The following WDR86 variants were observed in gnomAD, a reference collection of about 807,000 sequenced individuals.
WDR86 encodes WD repeat domain 86.
A neutral mutation model predicts 36.5 loss-of-function variants in WDR86; 30 were observed. The ratio of observed to expected loss-of-function variants is 0.82; its 90% CI spans 0.61 to 1.11. The LOEUF is 1.11. WDR86 is among the 50% of genes most tolerant of loss of function. The pLI, the probability that WDR86 is intolerant of heterozygous loss-of-function variation, is 0.00. For synonymous variants in WDR86, 255 were observed against 252.9 expected, an observed-to-expected ratio of 1.01 and a Z score of -0.08; for missense variants, 545 against 561.2, an observed-to-expected ratio of 0.97 and a Z score of 0.29.
At chr7:151,383,095 C>G (rs1267774652) in intron 4 of WDR86, among the ~76,000 whole-genome samples, 1 of 150,924 alleles carries the variant, frequency 6.6e-6, no homozygotes, top group Non-Finnish European at 1.5e-5. Context: ...AAACGATCCT[C>G]CCGCTTCAGC....
At chr7:151,379,498 G>A (rs536064539), downstream of WDR86, among the ~76,000 whole-genome samples, 9 of 152,126 alleles carry the variant, frequency 5.9e-5, no homozygotes, top group Non-Finnish European at 8.8e-5. Context: ...ATAGCAAGGC[G>A]ACAGTGGTGT....
chr7:151,391,826 G>A (rs1249508894), intron 3 of WDR86, among the ~76,000 whole-genome samples: 1 of 150,648 alleles, frequency 6.6e-6, no homozygotes, highest in African/African-American at 2.4e-5. Context: ...AAGTACAGGG[G>A]TGCGCCTCCT....
chr7:151,381,576 G>A lies in WDR86; in HGVS notation c.*6C>T, dbSNP rs779694832. The A allele has an allele frequency of 8.0e-6, 11 of 1,370,480 alleles. No homozygotes were observed. The South Asian group carries it at 1.2e-4, about 15-fold the overall frequency. 84.9% of individuals were successfully genotyped at this position (1,370,480 alleles called of 1,614,324 possible). ...CTGGGCTGGCGTCTGCAGGGGCCCC[G>A]CGGGATCAGGCCGGCTGCAGGGGCG... On this transcript the variant is annotated 3_prime_UTR_variant, in exon 6 of 6. Coordinates refer to ENST00000334493, the MANE Select transcript of WDR86 (RefSeq NM_198285.3). The surrounding 1 kb of genome is among the most constrained non-coding windows in gnomAD (Gnocchi z 4.8).
At chr7:151,382,386 A>G (rs1282033632) in intron 4 of WDR86, among the ~76,000 whole-genome samples, 1 of 152,040 alleles carries the variant, frequency 6.6e-6, no homozygotes, top group Non-Finnish European at 1.5e-5. Context: ...CACTCAAATC[A>G]AAGCCCAGCC....
chr7:151,389,448 C>T (rs1209237008), intron 3 of WDR86, among the ~76,000 whole-genome samples: 1 of 152,236 alleles, frequency 6.6e-6, no homozygotes, highest in East Asian at 1.9e-4. Context: ...CCGGGCGGCT[C>T]ACTCAGGGTC....
At chr7:151,387,066 G>A (rs1434300282) in intron 3 of WDR86, among the ~76,000 whole-genome samples, 1 of 152,216 alleles carries the variant, frequency 6.6e-6, no homozygotes, top group African/African-American at 2.4e-5. Context: ...CCAACACATG[G>A]TCAGCTCCAG....
exon 2 of WDR86, chr7:151,376,068 G>A (rs1394331100): frequency 1.4e-6 from 1 of 702,544 alleles, no homozygotes; most frequent in Non-Finnish European, 2.6e-6. Context: ...CCAGGCTCCA[G>A]GTGTAACCTG....
chr7:151,387,701 G>C (rs1273390007), intron 3 of WDR86, among the ~76,000 whole-genome samples: 2 of 152,146 alleles, frequency 1.3e-5, no homozygotes, highest in African/African-American at 4.8e-5. Flanking sequence ...GCAGGGGTGG[G>C]AGAAGGCTGC....
chr7:151,379,151 C>T (rs975826148), downstream of WDR86, among the ~76,000 whole-genome samples: 9 of 152,144 alleles, frequency 5.9e-5, no homozygotes, highest in African/African-American at 2.2e-4. Flanking sequence ...GTATTTGGGG[C>T]AGGACAGTCT....
intron 4 of WDR86, among the ~76,000 whole-genome samples, chr7:151,383,355 T>C (rs1798744780): frequency 1.3e-5 from 2 of 151,916 alleles, no homozygotes; most frequent in East Asian, 1.9e-4. Context: ...ACACCTGTAG[T>C]CCCAGTTACT....
chr7:151,374,303 C>T, downstream of WDR86: 5 of 1,529,508 alleles, frequency 3.3e-6, no homozygotes, highest in Non-Finnish European at 4.4e-6. Context: ...GCCCAGAGCT[C>T]CCTCCATGGC....
chr7:151,384,613 C>A (rs1317541241), intron 4 of WDR86, among the ~76,000 whole-genome samples: 1 of 152,174 alleles, frequency 6.6e-6, no homozygotes, highest in African/African-American at 2.4e-5. Flanking sequence ...GTGGAGCCAC[C>A]CATTCCAGCC....
intron 1 of WDR86, 75 bp from the exon 2 acceptor site, chr7:151,400,316 T>A: frequency 7.0e-7 from 1 of 1,428,064 alleles, no homozygotes; most frequent in Non-Finnish European, 9.3e-7. Flanking sequence ...GAACAATGTT[T>A]GAAAAGGGAA....
In WDR86 at chr7:151,409,457, C is replaced by T; in HGVS notation, c.133G>A (p.Ala45Thr). ...AGGAGCGCGCAGCACTGGCCGTCCG[C>T]GGTGCTCCAGAGCCGGGCCGTGCCG... is the stretch of plus-strand genomic sequence containing the variant. Reference protein sequence around the residue: ...EDGTARLWSTADGQCCALLQG... With the variant: ...EDGTARLWSTTDGQCCALLQG... The change falls in exon 1 of 6, where the codon GCG (alanine) becomes ACG (threonine). Residue 45 changes from alanine to threonine, a missense_variant. Coordinates refer to ENST00000334493, the MANE Select transcript of WDR86 (RefSeq NM_198285.3). This position sits in a 1 kb window ranked among gnomAD's most constrained non-coding sequence, Gnocchi z 5.2. The T allele has an allele frequency of 6.5e-7, 1 of 1,542,720 alleles. No individual in the cohort carries two copies.
chr7:151,376,484 T>C (rs736470), downstream of WDR86: 3,911 of 758,590 alleles, frequency 5.2e-3, 135 homozygotes, highest in African/African-American at 0.062. Context: ...TACGCTCACA[T>C]TGCACAGAAG....
Position 151,381,149 on chromosome 7 carries a change from A to G in WDR86, c.*433T>C. The G allele has an allele frequency of 1.6e-6, 2 of 1,241,500 alleles. No homozygotes were observed. Among genetic ancestry groups the G allele is most frequent in the Non-Finnish European group, 2.0e-6 (2 of 994,596 alleles). 76.9% of individuals were successfully genotyped at this position (1,241,500 alleles called of 1,614,324 possible). ...TTTTAACGTTCAGGCTGTATATTTC[A>G]GTTCCCCCCAAGGCCCTCGAGACGG... On this transcript the variant is annotated 3_prime_UTR_variant, in exon 6 of 6. Coordinates refer to ENST00000334493, the MANE Select transcript of WDR86 (RefSeq NM_198285.3). This position sits in a 1 kb window ranked among gnomAD's most constrained non-coding sequence, Gnocchi z 4.8.
intron 3 of WDR86, among the ~76,000 whole-genome samples, chr7:151,395,042 C>T (rs2150805677): frequency 1.3e-5 from 2 of 152,342 alleles, no homozygotes; most frequent in Admixed American, 1.3e-4. Flanking sequence ...GGCTGGGTGG[C>T]TTGTCCAGGG....
intron 1 of WDR86, among the ~76,000 whole-genome samples, chr7:151,400,709 CT>C (rs1175337347): frequency 6.6e-6 from 1 of 152,184 alleles, no homozygotes; most frequent in Non-Finnish European, 1.5e-5. Flanking sequence ...TAAAGAATGA[CT>C]TCAGTCTGAG....
At chr7:151,376,910 C>T (rs779490882), downstream of WDR86, 95 of 1,428,522 alleles carry the variant, frequency 6.7e-5, no homozygotes, top group Non-Finnish European at 8.4e-5. Flanking sequence ...ACTGAGGGGG[C>T]GTCCCCTGAC....
Sources: gnomAD v4.1 joint callset for allele counts (sites outside exome capture counted in the v4.1 genomes callset) on GRCh38, gnomAD v4.1.1 for gene constraint, Gnocchi (gnomAD v3.1) non-coding constraint, MANE v1.5 for transcripts, NCBI Gene and HGNC (gene_info 2026-07-23, HGNC 2026-07-21) for gene names.